LRRFIP2: variants seen among roughly 807,000 people sequenced by gnomAD.
LRRFIP2 encodes LRR binding FLII interacting protein 2.
In LRRFIP2, 109 loss-of-function variants were observed where a neutral mutation model predicts 125.9. The ratio of observed to expected loss-of-function variants is 0.87; its 90% confidence interval spans 0.74 to 1.01. LRRFIP2 has a LOEUF of 1.01. Ranked by LOEUF, LRRFIP2 falls within the 50% of genes least tolerant of loss-of-function variation. LRRFIP2 has a pLI of 0.00. For synonymous variants in LRRFIP2, 291 were observed against 293.1 expected (o/e 0.99, Z 0.07); for missense variants, 850 against 862.3 (o/e 0.99, Z 0.18).
At chr3:37,127,502 C>T (rs775402694) in intron 4 of LRRFIP2, 128 bp downstream of exon 4, 109 of 869,290 alleles carry the variant, frequency 1.3e-4, no homozygotes, top group Non-Finnish European at 2.0e-4. Flanking sequence ...ACAGAATAGA[C>T]ACTCTGACCT....
intron 1 of LRRFIP2, among the ~76,000 whole-genome samples, chr3:37,165,118 C>T (rs1191261959): frequency 6.6e-6 from 1 of 151,818 alleles, no homozygotes; most frequent in Non-Finnish European, 1.5e-5. Flanking sequence ...GCCTATAGTT[C>T]CAGCTACTTG....
intron 23 of LRRFIP2, chr3:37,065,075 A>G (rs1433201305): frequency 6.5e-6 from 1 of 154,906 alleles, no homozygotes; most frequent in Non-Finnish European, 1.4e-5. Context: ...AAGCTTACAC[A>G]TATATGAAAA....
At chr3:37,105,169 C>T (rs955569000) in intron 14 of LRRFIP2, among the ~76,000 whole-genome samples, 3 of 152,124 alleles carry the variant, frequency 2.0e-5, no homozygotes, top group African/African-American at 7.2e-5. Context: ...ACTGCACACA[C>T]ATGTATGTGC....
At chr3:37,152,496 T>C (rs921109995) in intron 1 of LRRFIP2, among the ~76,000 whole-genome samples, 2 of 152,184 alleles carry the variant, frequency 1.3e-5, no homozygotes, top group African/African-American at 4.8e-5. Context: ...CAGGCTGGAC[T>C]GCAGTGACAT....
chr3:37,063,662 TA>T (rs1180410156), intron 24 of LRRFIP2, 79 bp downstream of exon 24: 2 of 1,020,710 alleles, frequency 2.0e-6, no homozygotes, highest in Non-Finnish European at 3.1e-6. Context: ...CATATTTTTT[TA>T]ATGAACATTT....
At chr3:37,155,127 G>C (rs1218691387) in intron 1 of LRRFIP2, among the ~76,000 whole-genome samples, 1 of 152,184 alleles carries the variant, frequency 6.6e-6, no homozygotes, top group Non-Finnish European at 1.5e-5. Flanking sequence ...ACCACTTCCT[G>C]TGTTACCCTC....
At chr3:37,071,803 G>C (rs886651144) in intron 21 of LRRFIP2, among the ~76,000 whole-genome samples, 3 of 152,138 alleles carry the variant, frequency 2.0e-5, no homozygotes, top group Admixed American at 2.0e-4. Context: ...ATGGCTAAGT[G>C]GTTCCCCTAC....
At chr3:37,124,839 T>C (rs537184740) in intron 4 of LRRFIP2, among the ~76,000 whole-genome samples, 1 of 152,346 alleles carries the variant, frequency 6.6e-6, no homozygotes, top group East Asian at 1.9e-4. Flanking sequence ...CAGGTATTTC[T>C]AGAGCACTAT....
chr3:37,066,132 G>C, intron 22 of LRRFIP2, 92 bp downstream of exon 22: 3 of 1,354,400 alleles, frequency 2.2e-6, no homozygotes, highest in Non-Finnish European at 3.2e-6. Context: ...ACTGTAGTTT[G>C]TATTTAGGCT....
intron 1 of LRRFIP2, among the ~76,000 whole-genome samples, chr3:37,158,061 C>T (rs568830055): frequency 6.6e-6 from 1 of 152,254 alleles, no homozygotes; most frequent in South Asian, 2.1e-4. Flanking sequence ...TATAAATGAA[C>T]ATTAATGGGC....
intron 21 of LRRFIP2, among the ~76,000 whole-genome samples, chr3:37,069,336 T>A (rs1576006958): frequency 2.0e-5 from 3 of 152,320 alleles, no homozygotes; most frequent in African/African-American, 7.2e-5. Flanking sequence ...GGTAGATGTG[T>A]TGATATATCA....
intron 4 of LRRFIP2, among the ~76,000 whole-genome samples, chr3:37,124,453 C>T (rs1471348276): frequency 6.6e-6 from 1 of 152,170 alleles, no homozygotes; most frequent in Non-Finnish European, 1.5e-5. Context: ...TTAATTACTT[C>T]TACCTTGAAT....
At chr3:37,120,105 CTTT>C (rs201402337) in intron 6 of LRRFIP2, among the ~76,000 whole-genome samples, 4 of 129,508 alleles carry the variant, frequency 3.1e-5, no homozygotes, top group Non-Finnish European at 5.0e-5. Flanking sequence ...TGTTAATATT[CTTT>C]TTTTTTTTTT....
At chr3:37,152,002 G>T (rs887340806) in intron 1 of LRRFIP2, among the ~76,000 whole-genome samples, 2 of 152,072 alleles carry the variant, frequency 1.3e-5, no homozygotes, top group Non-Finnish European at 2.9e-5. Context: ...ATATGAAAAA[G>T]ACACATACAC....
chr3:37,124,606 T>C (rs1345346327), intron 4 of LRRFIP2, among the ~76,000 whole-genome samples: 2 of 152,264 alleles, frequency 1.3e-5, no homozygotes, highest in African/African-American at 4.8e-5. Context: ...AGTAAGAAAG[T>C]TGCAGCACAG....
chr3:37,124,051 A>G (rs1500794), intron 4 of LRRFIP2, among the ~76,000 whole-genome samples: 82,671 of 151,946 alleles, frequency 0.54, 23,802 homozygotes, highest in African/African-American at 0.68. Flanking sequence ...AATTTGGACA[A>G]AGAGTATAGT....
intron 2 of LRRFIP2, among the ~76,000 whole-genome samples, chr3:37,147,391 GCA>G (rs1230822111): frequency 1.3e-5 from 2 of 152,170 alleles, no homozygotes; most frequent in Non-Finnish European, 2.9e-5. Context: ...AAAAATACCT[GCA>G]CATGTACGTT....
intron 2 of LRRFIP2, among the ~76,000 whole-genome samples, chr3:37,137,159 G>GT (rs1405309264): frequency 6.6e-6 from 1 of 151,998 alleles, no homozygotes; most frequent in Non-Finnish European, 1.5e-5. Flanking sequence ...TTTTGTTTTT[G>GT]TAGAGACAAG....
chr3:37,110,662 G>C (rs2094515611), intron 9 of LRRFIP2, among the ~76,000 whole-genome samples: 1 of 152,108 alleles, frequency 6.6e-6, no homozygotes. Context: ...GGGTCAAATA[G>C]ATAATTATGT....
Sources: allele counts gnomAD v4.1 joint callset (sites outside exome capture counted in the v4.1 genomes callset), GRCh38; gene constraint gnomAD v4.1.1; transcripts MANE v1.5; gene names NCBI Gene and HGNC (gene_info 2026-07-23, HGNC 2026-07-21).